The following ANKRD30B variants were observed in gnomAD, a reference collection of about 807,000 sequenced individuals.
The protein encoded by ANKRD30B is ankyrin repeat domain-containing protein 30B.
Under a neutral mutation model 202.2 loss-of-function variants are expected in ANKRD30B, and 144 were observed. The observed-to-expected ratio is 0.71, with a 90% CI of 0.62 to 0.82. The LOEUF (loss-of-function observed/expected upper bound fraction) is 0.82, where lower values mean the gene tolerates loss of function less well. Ranked by LOEUF, ANKRD30B falls within the 40% of genes least tolerant of loss-of-function variation. The probability of loss-of-function intolerance (pLI) is 0.00; values close to 1 mark genes in which losing one functional copy is unlikely to be tolerated. For missense variants in ANKRD30B, 1,487 were observed against 1,669.1 expected (o/e 0.89, Z 1.90); for synonymous variants, 508 against 561.3 (o/e 0.91, Z 1.34).
intron 32 of ANKRD30B, among the ~76,000 whole-genome samples, chr18:14,825,800 G>A (rs71247831): frequency 6.6e-6 from 1 of 152,164 alleles, no homozygotes; most frequent in South Asian, 2.1e-4. Flanking sequence ...TATTTCCAGT[G>A]GCAATGGAAA....
At chr18:14,790,052 C>T (rs771329341) in intron 15 of ANKRD30B, among the ~76,000 whole-genome samples, 6 of 152,068 alleles carry the variant, frequency 3.9e-5, no homozygotes, top group Admixed American at 1.3e-4. Flanking sequence ...TGTTTGTATC[C>T]TCTTTTATTT....
intron 5 of ANKRD30B, among the ~76,000 whole-genome samples, chr18:14,759,791 C>T (rs565184815): frequency 3.4e-4 from 52 of 152,176 alleles, no homozygotes; most frequent in African/African-American, 1.2e-3. Context: ...AGCTTAGATG[C>T]CTTGAATTAC....
Position 14,840,958 on chromosome 18 carries a change from G to A in ANKRD30B, c.3079+280G>A, listed in dbSNP as rs59900052. On this transcript the variant is annotated intron_variant, in intron 37 of 43. Coordinates refer to ENST00000690538, the MANE Select transcript of ANKRD30B (RefSeq NM_001367607.2). ...CTGAGGAAGACAGAGAGTACAGGGA[G>A]TACATGAGGGAACAAGAAGCAGGTT... 7.7e-3 allele frequency among the ~76,000 whole-genome samples: 1,179 copies of A among 152,308 alleles called. 23 individuals carry two copies. The highest frequency in any genetic ancestry group is 0.026 in the African/African-American group (1,092 of 41,560).
chr18:14,796,173 T>A (rs569159312), intron 16 of ANKRD30B, 48 bp from the exon 17 acceptor site: 183 of 1,522,634 alleles, frequency 1.2e-4, no homozygotes, highest in Middle Eastern at 1.0e-3. Context: ...CTTGGTAGGC[T>A]TTGTCAGGCT....
intron 34 of ANKRD30B, among the ~76,000 whole-genome samples, chr18:14,832,908 T>TTA (rs1464534877): frequency 6.6e-6 from 1 of 152,156 alleles, no homozygotes; most frequent in Non-Finnish European, 1.5e-5. Flanking sequence ...AAATTTAATA[T>TTA]ATTTTAGTCT....
chr18:14,931,696 C>T, the ANKRD30B span, among the ~76,000 whole-genome samples: 5 of 152,100 alleles, frequency 3.3e-5, no homozygotes, highest in African/African-American at 4.8e-5. Context: ...TGCCCCACAG[C>T]GCACACAGCA....
Position 14,752,917 on chromosome 18 carries a change from G to A in ANKRD30B, c.415G>A (p.Gly139Ser). ...TGATCTAAATTATGTAGATGTGTAT[G>A]GCAACACGGCTCTCCATTATGCCGT... is the stretch of plus-strand genomic sequence containing the variant. ...GADLNYVDVY[G>S]NTALHYAVYS... Residue 139 changes from glycine to serine, a missense_variant, in exon 3 of 44, where the codon GGC becomes AGC. Physicochemically the swap from Gly to Ser is moderately conservative, Grantham distance 56. This residue lies in a region of ANKRD30B where 889 missense variants were observed against 841.4 expected (regional missense o/e 1.06). Transcript: ENST00000690538. 1 of 1,604,696 alleles carries A rather than the reference G, an allele frequency of 6.2e-7. No individual in the cohort carries two copies. The highest frequency in any genetic ancestry group is 8.5e-7 in the Non-Finnish European group (1 of 1,174,966).
At chr18:14,867,182 G>A in the ANKRD30B span, among the ~76,000 whole-genome samples, 14 of 151,234 alleles carry the variant, frequency 9.3e-5, no homozygotes, top group African/African-American at 2.4e-4. Context: ...TGCAACACCC[G>A]TGGCAGGGAT....
At position 14,806,724 on chromosome 18, in the gene ANKRD30B, TA is replaced by T. The variant is rs1478733193; in HGVS notation, c.2285-1826del. On this transcript the variant is annotated intron_variant, in intron 24 of 43. Transcript: ENST00000690538. ...CGTGTTTTGCTTTTTTATCTTGTCT[TA>T]GAAAGGTCAAAGCCAGCTATTTTCT... Among the ~76,000 whole-genome samples the T allele has an allele frequency of 1.3e-5, 2 of 149,056 alleles. 1 individual carries two copies. Among genetic ancestry groups the T allele is most frequent in the East Asian group, 3.9e-4 (2 of 5,166 alleles).
the ANKRD30B span, among the ~76,000 whole-genome samples, chr18:14,922,590 G>A: frequency 6.7e-6 from 1 of 149,944 alleles, no homozygotes; most frequent in Non-Finnish European, 1.5e-5. Flanking sequence ...GGGAGGCAGA[G>A]CTTGCAGTGA....
chr18:14,855,482 C>T (rs143860540), downstream of ANKRD30B, among the ~76,000 whole-genome samples: 1,320 of 152,342 alleles, frequency 8.7e-3, 25 homozygotes, highest in African/African-American at 0.029. Context: ...GATTGCACAA[C>T]GGCCAGGCAG....
intron 22 of ANKRD30B, among the ~76,000 whole-genome samples, chr18:14,799,802 G>C (rs909026955): frequency 6.6e-6 from 1 of 152,072 alleles, no homozygotes; most frequent in African/African-American, 2.4e-5. Context: ...ATGATTCTTT[G>C]CTAGATACAC....
chr18:14,891,885 T>C, the ANKRD30B span, among the ~76,000 whole-genome samples: 1 of 152,232 alleles, frequency 6.6e-6, no homozygotes, highest in Non-Finnish European at 1.5e-5. Flanking sequence ...AAATTTGTAC[T>C]AATACAATGA....
At chr18:14,804,116 AAGAC>A (rs1401827117) in intron 24 of ANKRD30B, among the ~76,000 whole-genome samples, 3 of 37,218 alleles carry the variant, frequency 8.1e-5, no homozygotes, top group East Asian at 5.1e-4. Context: ...AAGATCGAGA[AAGAC>A]AGAGAGTACA....
In ANKRD30B at chr18:14,748,608, C is replaced by G. The variant is rs556615358; in HGVS notation, c.189C>G (p.Pro63=). 1 of 1,566,920 alleles carries G rather than the reference C, an allele frequency of 6.4e-7. No individual in the cohort carries two copies. The highest frequency in any genetic ancestry group is 8.7e-7 in the Non-Finnish European group (1 of 1,155,726). The change falls in exon 1 of 44, where the codon CCC becomes CCG. Residue 63 remains proline (P), a synonymous_variant. Transcript: ENST00000690538. ...AGAAGATGACAGTAGGGAAGAAGCC[C>G]GTCAACCTGAACAAAAGAGATATGA... ...KLEKMTVGKK[P]VNLNKRDMKK... is the part of the protein sequence containing the mutation.
downstream of ANKRD30B, among the ~76,000 whole-genome samples, chr18:14,856,441 C>T (rs1268017287): frequency 7.2e-6 from 1 of 139,186 alleles, no homozygotes; most frequent in African/African-American, 2.6e-5. Flanking sequence ...CAGAGGCGCT[C>T]CTCAACTGCC....
the ANKRD30B span, among the ~76,000 whole-genome samples, chr18:14,905,105 T>A: frequency 6.6e-6 from 1 of 152,362 alleles, no homozygotes; most frequent in African/African-American, 2.4e-5. Flanking sequence ...ACAAATGCCA[T>A]GGCAATATCA....
chr18:14,919,768 A>G, the ANKRD30B span, among the ~76,000 whole-genome samples: 2 of 152,244 alleles, frequency 1.3e-5, no homozygotes, highest in East Asian at 1.9e-4. Flanking sequence ...TGGCCAGGTG[A>G]CTTTGATACC....
chr18:14,902,552 C>G, the ANKRD30B span, among the ~76,000 whole-genome samples: 1 of 152,168 alleles, frequency 6.6e-6, no homozygotes, highest in Non-Finnish European at 1.5e-5. Flanking sequence ...CCAAGTATAA[C>G]AAGTCTAAAA....
Sources: gnomAD v4.1 joint callset for allele counts (sites outside exome capture counted in the v4.1 genomes callset) on GRCh38, gnomAD v4.1.1 for gene constraint, gnomAD v4.1.1 regional missense constraint, MANE v1.5 for transcripts, NCBI Gene and HGNC (gene_info 2026-07-23, HGNC 2026-07-21) for gene names.